C3orf33: variants seen among roughly 807,000 people sequenced by gnomAD.
C3orf33 encodes the protein mitochondrial inner membrane subdomain organizer 1.
A neutral mutation model predicts 28.7 loss-of-function variants in C3orf33; 23 were observed. The observed-to-expected ratio is 0.80, with a 90% CI of 0.58 to 1.13. C3orf33 has a LOEUF of 1.13. Among genes scored for constraint, C3orf33 ranks in the 50% most tolerant of loss-of-function variants. C3orf33 has a pLI of 0.00. For missense variants in C3orf33, 327 were observed against 353.4 expected (o/e 0.93, Z 0.60); for synonymous variants, 119 against 120.5 (o/e 0.99, Z 0.08).
At chr3:155,774,296 T>C (rs1311729680) in intron 3 of C3orf33, among the ~76,000 whole-genome samples, 3 of 152,156 alleles carry the variant, frequency 2.0e-5, no homozygotes, top group African/African-American at 7.2e-5. Flanking sequence ...ATAATTGCAG[T>C]GTATTATAAA....
intron 2 of C3orf33, among the ~76,000 whole-genome samples, chr3:155,797,399 G>A (rs189045647): frequency 1.3e-4 from 20 of 152,226 alleles, no homozygotes; most frequent in African/African-American, 4.6e-4. Context: ...TCTAGACTAT[G>A]ACAAGGATGC....
At chr3:155,789,166 G>A (rs1177938623) in intron 2 of C3orf33, among the ~76,000 whole-genome samples, 1 of 152,038 alleles carries the variant, frequency 6.6e-6, no homozygotes, top group Non-Finnish European at 1.5e-5. Context: ...CCAACATGGT[G>A]AAACCCCGTC....
chr3:155,793,369 C>T (rs374725356), intron 2 of C3orf33, among the ~76,000 whole-genome samples: 164 of 133,802 alleles, frequency 1.2e-3, no homozygotes, highest in African/African-American at 3.9e-3. Flanking sequence ...GTGCTTCAAT[C>T]TGATTAAAAA....
intron 2 of C3orf33, among the ~76,000 whole-genome samples, chr3:155,776,384 C>T (rs376996469): frequency 6.6e-6 from 1 of 152,102 alleles, no homozygotes; most frequent in South Asian, 2.1e-4. Flanking sequence ...CAATCCCTAA[C>T]ACTTAGGTGA....
intron 2 of C3orf33, among the ~76,000 whole-genome samples, chr3:155,800,275 C>T (rs1218230790): frequency 6.6e-6 from 1 of 151,944 alleles, no homozygotes; most frequent in Non-Finnish European, 1.5e-5. Context: ...TTAAAACTTG[C>T]ACATCAATGA....
chr3:155,794,156 T>C (rs866149022), intron 2 of C3orf33, among the ~76,000 whole-genome samples: 2 of 151,952 alleles, frequency 1.3e-5, no homozygotes, highest in East Asian at 3.9e-4. Flanking sequence ...TAATTTTGTA[T>C]TTTTAGTAGA....
chr3:155,768,327 AAGAACCAC>A (rs996404209), intron 3 of C3orf33, among the ~76,000 whole-genome samples: 3 of 152,198 alleles, frequency 2.0e-5, no homozygotes, highest in African/African-American at 7.2e-5. Flanking sequence ...TTACCACCAA[AAGAACCAC>A]AGAAACTGCT....
rs865782977 is a variant in C3orf33, at chr3:155,776,722, C to A, written c.175-874G>T. 2.1e-4 allele frequency among the ~76,000 whole-genome samples: 29 copies of A among 140,858 alleles called. 1 individual carries two copies. Among genetic ancestry groups the A allele is most frequent in the Non-Finnish European group, 2.3e-4 (15 of 66,204 alleles). The allele number at this position is 140,858 out of a possible 152,430, so 92.4% of individuals were successfully genotyped here. ...AGTGAGCCATAATAGCACCACTACA[C>A]TCCAGCCTGGGTGACAGAGCGAGAA... On this transcript the variant is annotated intron_variant, in intron 2 of 4. Coordinates refer to ENST00000340171, the MANE Select transcript of C3orf33 (RefSeq NM_001308229.2).
intron 2 of C3orf33, among the ~76,000 whole-genome samples, chr3:155,790,613 C>T (rs1330306163): frequency 6.6e-6 from 1 of 152,182 alleles, no homozygotes; most frequent in Non-Finnish European, 1.5e-5. Context: ...TCCCCCATCC[C>T]TTTGCAGCAG....
In C3orf33 at chr3:155,798,074, G is replaced by GAA. The variant is rs34314152; in HGVS notation, c.174+4456_174+4457dup. 5.7e-4 allele frequency among the ~76,000 whole-genome samples: 76 copies of GAA among 132,420 alleles called. 1 individual carries two copies. The highest frequency in any genetic ancestry group is 1.5e-3 in the African/African-American group (49 of 33,666). 86.9% of individuals were successfully genotyped at this position (132,420 alleles called of 152,430 possible). A position where few individuals can be genotyped will look rare whatever the true frequency, so the allele number is the denominator to read the frequency against. On this transcript the variant is annotated intron_variant, in intron 2 of 4. Coordinates refer to ENST00000340171, the MANE Select transcript of C3orf33 (RefSeq NM_001308229.2). ...TGACAGGGCAAGTGTCTGTCTCAAA[G>GAA]AAAAAAAAAAAAAAGGCTATAAAAC...
chr3:155,803,075 T>C (rs1751699532), intron 1 of C3orf33, among the ~76,000 whole-genome samples: 1 of 152,162 alleles, frequency 6.6e-6, no homozygotes, highest in African/African-American at 2.4e-5. Flanking sequence ...GTAGAAAATT[T>C]TATCACTAAA....
chr3:155,806,156 G>A lies in C3orf33; in HGVS notation c.97C>T (p.His33Tyr). Residue 33 changes from histidine to tyrosine, a missense_variant, in exon 1 of 5, where the codon CAC becomes TAC. His to Tyr is a moderately conservative substitution (Grantham distance 83). Coordinates refer to ENST00000340171, the MANE Select transcript of C3orf33 (RefSeq NM_001308229.2). The stretch of plus-strand genomic sequence containing the variant: ...CCCAGTACCCGGACTAGGCGCAGGT[G>A]GTCGTCTGCCCACTGCGAGATCCGA... ...VARISQWADD[H>Y]LRLVRNISTG... 1 of 1,473,060 alleles carries A rather than the reference G, an allele frequency of 6.8e-7. No homozygotes were observed. Among genetic ancestry groups the A allele is most frequent in the Non-Finnish European group, 9.0e-7 (1 of 1,105,990 alleles). 91.2% of individuals were successfully genotyped at this position (1,473,060 alleles called of 1,614,324 possible).
chr3:155,806,270 A>G lies in C3orf33; in HGVS notation c.-18T>C. ...CCCGCCATGTTCCCGGCCTCCTGCG[A>G]GCGGCCCTGAGCTCCTCCGGCTGGC... On this transcript the variant is annotated 5_prime_UTR_variant, in exon 1 of 5. Coordinates refer to ENST00000340171, the MANE Select transcript of C3orf33 (RefSeq NM_001308229.2). 2 of 1,395,848 alleles carry G rather than the reference A, an allele frequency of 1.4e-6. No homozygotes were observed. Among genetic ancestry groups the G allele is most frequent in the South Asian group, 3.0e-5 (2 of 67,018 alleles). The allele number at this position is 1,395,848 out of a possible 1,614,324, so 86.5% of individuals were successfully genotyped here.
At chr3:155,803,138 C>T (rs389893) in intron 1 of C3orf33, among the ~76,000 whole-genome samples, 124,231 of 152,156 alleles carry the variant, frequency 0.82, 50,857 homozygotes, top group Middle Eastern at 0.85. Context: ...GAATATTAAG[C>T]GATGTTTTTA....
chr3:155,784,400 T>C (rs546679262), intron 2 of C3orf33, among the ~76,000 whole-genome samples: 1 of 152,230 alleles, frequency 6.6e-6, no homozygotes, highest in East Asian at 1.9e-4. Context: ...AATGGTAACC[T>C]AGAACAAATA....
At chr3:155,774,748 A>G (rs145343359) in intron 3 of C3orf33, among the ~76,000 whole-genome samples, 5 of 143,598 alleles carry the variant, frequency 3.5e-5, no homozygotes, top group African/African-American at 5.2e-5. Context: ...TCTTCTTCCA[A>G]TGTGGCCCAG....
At chr3:155,799,240 A>C (rs574481592) in intron 2 of C3orf33, among the ~76,000 whole-genome samples, 1 of 152,348 alleles carries the variant, frequency 6.6e-6, no homozygotes, top group African/African-American at 2.4e-5. Context: ...AAATAGAAGT[A>C]CCATATGATC....
chr3:155,800,577 T>C (rs546029655), intron 2 of C3orf33, among the ~76,000 whole-genome samples: 15 of 115,044 alleles, frequency 1.3e-4, no homozygotes, highest in Non-Finnish European at 2.1e-4. Flanking sequence ...GCCAGTGCAC[T>C]CTAGCCTGGT....
rs1272310070 is a variant in C3orf33 at position 155,767,640 on chromosome 3, A to G, written c.352T>C (p.Leu118=). ...KEPRGALLVK[L]AGVELAETGK... is the part of the protein sequence containing the mutation. ...GTTTCAGCGAGTTCTACTCCAGCCA[A>G]CTTAACCAGCAAAGCACCACGTGGC... Residue 118 remains leucine (L), a synonymous_variant, in exon 4 of 5, where the codon TTG becomes CTG. Coordinates refer to ENST00000340171, the MANE Select transcript of C3orf33 (RefSeq NM_001308229.2). The G allele has an allele frequency of 2.5e-6, 4 of 1,577,586 alleles. No homozygotes were observed. The highest frequency in any genetic ancestry group is 3.5e-6 in the Non-Finnish European group (4 of 1,157,952).
Sources: allele counts gnomAD v4.1 joint callset (sites outside exome capture counted in the v4.1 genomes callset), GRCh38; gene constraint gnomAD v4.1.1; transcripts MANE v1.5; gene names NCBI Gene and HGNC (gene_info 2026-07-23, HGNC 2026-07-21).